MAML2: variants seen among roughly 807,000 people sequenced by gnomAD.
MAML2 encodes the protein mastermind like transcriptional coactivator 2.
Under a neutral mutation model 96.1 loss-of-function variants are expected in MAML2, and 22 were observed. The observed-to-expected ratio is 0.23, with a 90% confidence interval of 0.16 to 0.33. The LOEUF (loss-of-function observed/expected upper bound fraction) is 0.33. MAML2 is among the 10% of genes least tolerant of loss of function. The pLI, the probability that MAML2 is intolerant of heterozygous loss-of-function variation, is 1.00. For synonymous variants in MAML2, 561 were observed against 521.3 expected, an observed-to-expected ratio of 1.08 and a Z score of -1.04; for missense variants, 1,367 against 1,392.4, an observed-to-expected ratio of 0.98 and a Z score of 0.29.
chr11:96,279,808 A>G (rs1379249033), intron 1 of MAML2, among the ~76,000 whole-genome samples: 1 of 152,168 alleles, frequency 6.6e-6, no homozygotes, highest in African/African-American at 2.4e-5. Context: ...GTACCTCACC[A>G]TGCAGATGAG....
chr11:96,336,271 T>C (rs1410159659), intron 1 of MAML2, among the ~76,000 whole-genome samples: 1 of 152,162 alleles, frequency 6.6e-6, no homozygotes. Context: ...TTTGCAGGCC[T>C]TACATAAAAT....
intron 2 of MAML2, among the ~76,000 whole-genome samples, chr11:96,007,509 C>T (rs1858202396): frequency 6.6e-6 from 1 of 152,140 alleles, no homozygotes; most frequent in Non-Finnish European, 1.5e-5. Context: ...CTTGCATTAT[C>T]TGCTAACGAA....
intron 1 of MAML2, among the ~76,000 whole-genome samples, chr11:96,298,736 T>TTA (rs10660464): frequency 0.16 from 23,575 of 145,174 alleles, 2,197 homozygotes; most frequent in African/African-American, 0.24. Context: ...ATACATAATA[T>TTA]TATATATATA....
At chr11:96,002,583 G>A (rs549301091) in intron 2 of MAML2, among the ~76,000 whole-genome samples, 3 of 151,636 alleles carry the variant, frequency 2.0e-5, no homozygotes, top group Non-Finnish European at 4.4e-5. Flanking sequence ...TGAAGATGAT[G>A]ACAGGGATGA....
intron 1 of MAML2, among the ~76,000 whole-genome samples, chr11:96,292,468 T>C (rs549283042): frequency 6.6e-6 from 1 of 152,338 alleles, no homozygotes; most frequent in South Asian, 2.1e-4. Context: ...ATTATCCCAT[T>C]TTACAGATGA....
intron 2 of MAML2, among the ~76,000 whole-genome samples, chr11:96,044,353 T>C (rs566972629): frequency 1.5e-4 from 23 of 152,024 alleles, no homozygotes; most frequent in Non-Finnish European, 2.8e-4. Context: ...ACATGTAGGG[T>C]GGTGGTAAAG....
At chr11:96,207,780 A>G (rs1310523146) in intron 1 of MAML2, among the ~76,000 whole-genome samples, 1 of 152,260 alleles carries the variant, frequency 6.6e-6, no homozygotes, top group Non-Finnish European at 1.5e-5. Context: ...GCATCTTGCC[A>G]TTATCGAATA....
intron 1 of MAML2, among the ~76,000 whole-genome samples, chr11:96,240,660 C>A: frequency 6.6e-6 from 1 of 151,098 alleles, no homozygotes; most frequent in Non-Finnish European, 1.5e-5. Context: ...ATTGGCACAG[C>A]TCAATTTTAA....
At chr11:95,985,492 TCACA>T in intron 4 of MAML2, 35 bp downstream of exon 4, 1 of 1,260,168 alleles carries the variant, frequency 7.9e-7, no homozygotes, top group Admixed American at 2.3e-5. Flanking sequence ...TTTTTTCCTT[TCACA>T]GCTATAATTT....
intron 1 of MAML2, among the ~76,000 whole-genome samples, chr11:96,268,656 G>T (rs1398200476): frequency 6.6e-6 from 1 of 152,148 alleles, no homozygotes; most frequent in Non-Finnish European, 1.5e-5. Context: ...GTCATGGGAG[G>T]GACCCAGTGG....
chr11:95,979,644 A>G lies in MAML2; in HGVS notation c.2775T>C (p.Phe925=). The G allele has an allele frequency of 6.2e-7, 1 of 1,613,964 alleles. No individual in the cohort carries two copies. The highest frequency in any genetic ancestry group is 8.5e-7 in the Non-Finnish European group (1 of 1,179,886). The stretch of plus-strand genomic sequence containing the variant: ...GTGAATTACCAACAGATCCAGCTCC[A>G]AAAGTGGCTACATTGTTATTATTAC... ...GPSNNNNVAT[F]GAGSVGNSQQ... The change falls in exon 5 of 5, where the codon TTT becomes TTC. Residue 925 remains phenylalanine (F), a synonymous_variant. Coordinates refer to ENST00000524717, the MANE Select transcript of MAML2 (RefSeq NM_032427.4).
chr11:96,131,486 T>G (rs1221303632), intron 1 of MAML2, among the ~76,000 whole-genome samples: 1 of 152,126 alleles, frequency 6.6e-6, no homozygotes, highest in Non-Finnish European at 1.5e-5. Context: ...GAGAAAATAA[T>G]ATATGCTTTT....
chr11:96,276,859 C>G (rs1416871210), intron 1 of MAML2, among the ~76,000 whole-genome samples: 2 of 146,714 alleles, frequency 1.4e-5, no homozygotes, highest in African/African-American at 5.0e-5. Context: ...TTGCTCTGTG[C>G]AGTTATAGTG....
At chr11:96,312,069 A>T (rs1251420897) in intron 1 of MAML2, among the ~76,000 whole-genome samples, 1 of 151,962 alleles carries the variant, frequency 6.6e-6, no homozygotes, top group Non-Finnish European at 1.5e-5. Flanking sequence ...AAACACAAAA[A>T]TTAACCGGGC....
At chr11:96,206,584 C>A (rs754408333) in intron 1 of MAML2, among the ~76,000 whole-genome samples, 2 of 152,086 alleles carry the variant, frequency 1.3e-5, no homozygotes, top group Non-Finnish European at 2.9e-5. Context: ...GGTGAAAGAG[C>A]GAGACTCCAT....
intron 1 of MAML2, among the ~76,000 whole-genome samples, chr11:96,106,688 T>C (rs1323936405): frequency 6.6e-6 from 1 of 152,228 alleles, no homozygotes; most frequent in African/African-American, 2.4e-5. Context: ...ATTACTGCTG[T>C]TTATTTCATT....
chr11:96,169,153 G>A (rs1861240797), intron 1 of MAML2, among the ~76,000 whole-genome samples: 1 of 152,220 alleles, frequency 6.6e-6, no homozygotes, highest in African/African-American at 2.4e-5. Flanking sequence ...CAGAAGGCCT[G>A]AACGAGTTAA....
intron 1 of MAML2, among the ~76,000 whole-genome samples, chr11:96,170,967 C>T (rs752419123): frequency 7.2e-5 from 11 of 151,914 alleles, no homozygotes; most frequent in Admixed American, 2.0e-4. Context: ...CCGCCCGCCT[C>T]GGCCTCCCAA....
chr11:96,023,937 A>C (rs2135739247), intron 2 of MAML2, among the ~76,000 whole-genome samples: 1 of 152,338 alleles, frequency 6.6e-6, no homozygotes, highest in Middle Eastern at 3.4e-3. Context: ...AAAAATGGAT[A>C]AGTCTCCTGC....
Sources: gnomAD v4.1 joint callset for allele counts (sites outside exome capture counted in the v4.1 genomes callset) on GRCh38, gnomAD v4.1.1 for gene constraint, MANE v1.5 for transcripts, NCBI Gene and HGNC (gene_info 2026-07-23, HGNC 2026-07-21) for gene names.